The following TTC28 variants were observed in gnomAD, a reference collection of about 807,000 sequenced individuals.
TTC28 encodes tetratricopeptide repeat protein 28.
Under a neutral mutation model 198.0 loss-of-function variants are expected in TTC28, and 61 were observed. That is an observed-to-expected ratio of 0.31 (90% CI 0.25 to 0.38). TTC28 has a LOEUF of 0.38. TTC28 is among the 10% of genes least tolerant of loss of function. TTC28 has a pLI of 1.00. For synonymous variants in TTC28, 1,171 were observed against 1,297.8 expected, an observed-to-expected ratio of 0.90 and a Z score of 2.10; for missense variants, 2,678 against 3,164.0, an observed-to-expected ratio of 0.85 and a Z score of 3.69.
intron 13 of TTC28, among the ~76,000 whole-genome samples, chr22:28,021,359 G>T (rs736531): frequency 1.3e-5 from 2 of 152,146 alleles, no homozygotes; most frequent in African/African-American, 4.8e-5. Context: ...AGCCACTACC[G>T]TGGGGCCAGC....
chr22:28,468,020 C>T (rs2048047525), intron 2 of TTC28, among the ~76,000 whole-genome samples: 1 of 152,124 alleles, frequency 6.6e-6, no homozygotes, highest in Non-Finnish European at 1.5e-5. Flanking sequence ...ATCTGCCTGC[C>T]TCAGTCTCCC....
intron 2 of TTC28, among the ~76,000 whole-genome samples, chr22:28,507,869 G>A (rs1032754781): frequency 2.0e-5 from 3 of 152,144 alleles, no homozygotes; most frequent in African/African-American, 4.8e-5. Context: ...GAGGGAATTC[G>A]TCACCACCAG....
intron 6 of TTC28, among the ~76,000 whole-genome samples, chr22:28,109,098 A>G (rs1569144435): frequency 6.6e-6 from 1 of 152,262 alleles, no homozygotes; most frequent in Non-Finnish European, 1.5e-5. Flanking sequence ...GAGGGAAAGT[A>G]TCCTAAGAAA....
intron 2 of TTC28, among the ~76,000 whole-genome samples, chr22:28,482,336 C>A (rs935197757): frequency 5.3e-5 from 8 of 149,744 alleles, no homozygotes; most frequent in African/African-American, 2.0e-4. Flanking sequence ...CTCAGCCTCC[C>A]GAGTAGCTGG....
chr22:28,506,784 G>A (rs59262169), intron 2 of TTC28, among the ~76,000 whole-genome samples: 15,369 of 152,240 alleles, frequency 0.1, 884 homozygotes, highest in African/African-American at 0.13. Context: ...GGCAACTAGG[G>A]TCTGGAGCAG....
intron 2 of TTC28, among the ~76,000 whole-genome samples, chr22:28,586,165 G>C (rs1332248547): frequency 6.6e-6 from 1 of 151,570 alleles, no homozygotes. Context: ...TGTAGTCCCA[G>C]CTACTCGGGA....
intron 2 of TTC28, among the ~76,000 whole-genome samples, chr22:28,528,776 A>T (rs1243300508): frequency 1.3e-5 from 2 of 151,704 alleles, no homozygotes; most frequent in Non-Finnish European, 2.9e-5. Flanking sequence ...AAGAATGAAA[A>T]CTGAGACAGA....
intron 2 of TTC28, among the ~76,000 whole-genome samples, chr22:28,418,860 G>T (rs2047204636): frequency 6.6e-6 from 1 of 152,276 alleles, no homozygotes; most frequent in South Asian, 2.1e-4. Context: ...TTGGAAGTGG[G>T]AAAATCAGAA....
intron 5 of TTC28, among the ~76,000 whole-genome samples, chr22:28,249,500 C>G (rs1260823450): frequency 2.0e-5 from 3 of 152,182 alleles, no homozygotes; most frequent in African/African-American, 7.2e-5. Context: ...TGAGGACATT[C>G]TCCTTTGCCA....
At chr22:28,211,161 C>A (rs888750147) in intron 5 of TTC28, among the ~76,000 whole-genome samples, 1 of 152,088 alleles carries the variant, frequency 6.6e-6, no homozygotes, top group South Asian at 2.1e-4. Flanking sequence ...ACAACCGGTA[C>A]CAACCACTGC....
chr22:28,096,877 T>A (rs1328695830), intron 10 of TTC28, among the ~76,000 whole-genome samples: 1 of 152,004 alleles, frequency 6.6e-6, no homozygotes, highest in Non-Finnish European at 1.5e-5. Flanking sequence ...TGATCTCAGT[T>A]CACTGCAATC....
chr22:28,480,375 A>T (rs2048229012), intron 2 of TTC28, among the ~76,000 whole-genome samples: 1 of 152,202 alleles, frequency 6.6e-6, no homozygotes, highest in African/African-American at 2.4e-5. Flanking sequence ...CCTCATCACC[A>T]ACTTCTTGGC....
At chr22:28,121,971 G>A (rs1313764096) in intron 6 of TTC28, among the ~76,000 whole-genome samples, 5 of 152,128 alleles carry the variant, frequency 3.3e-5, no homozygotes, top group African/African-American at 9.7e-5. Flanking sequence ...AGGTTCAAGC[G>A]ATTCTCCTGC....
At chr22:28,382,724 A>G (rs1321087808) in intron 2 of TTC28, among the ~76,000 whole-genome samples, 2 of 152,240 alleles carry the variant, frequency 1.3e-5, no homozygotes, top group African/African-American at 4.8e-5. Flanking sequence ...TAGCTATAGT[A>G]GTATAAAATA....
chr22:28,428,915 C>T (rs1368256079), intron 2 of TTC28, among the ~76,000 whole-genome samples: 1 of 152,146 alleles, frequency 6.6e-6, no homozygotes, highest in Admixed American at 6.6e-5. Context: ...GCTGGGATTA[C>T]AGGCATGAGC....
At chr22:28,642,767 C>G (rs73881113) in intron 1 of TTC28, among the ~76,000 whole-genome samples, 4,411 of 152,130 alleles carry the variant, frequency 0.029, 207 homozygotes, top group African/African-American at 0.1. Context: ...GTAACTGGGG[C>G]CCAGTGTGTT....
intron 2 of TTC28, among the ~76,000 whole-genome samples, chr22:28,405,004 G>C (rs1247072760): frequency 6.6e-6 from 1 of 152,156 alleles, no homozygotes; most frequent in Non-Finnish European, 1.5e-5. Context: ...TGAGACAAGA[G>C]ATTTTATTGA....
chr22:28,539,057 T>G lies in TTC28; in HGVS notation c.381+90495A>C, dbSNP rs549305578. 3.9e-5 allele frequency among the ~76,000 whole-genome samples: 6 copies of G among 152,302 alleles called. 1 individual carries two copies. In the South Asian group the frequency reaches 1.2e-3, roughly 32 times the overall value. On this transcript the variant is annotated intron_variant, in intron 2 of 22. Transcript: ENST00000397906. ...GTGAAAGGAAGGTCAACTTGCCAGATAGACTGCCTGTTGACAGGCCCAGAC... is the reference window on the plus strand; with the variant it reads ...GTGAAAGGAAGGTCAACTTGCCAGAGAGACTGCCTGTTGACAGGCCCAGAC...
chr22:28,174,632 G>A (rs1324834105), intron 5 of TTC28, among the ~76,000 whole-genome samples: 3 of 152,158 alleles, frequency 2.0e-5, no homozygotes, highest in African/African-American at 7.2e-5. Flanking sequence ...AAGACTGTTT[G>A]AGCCCAGGAG....
Sources: allele counts gnomAD v4.1 joint callset (sites outside exome capture counted in the v4.1 genomes callset), GRCh38; gene constraint gnomAD v4.1.1; transcripts MANE v1.5; gene names NCBI Gene and HGNC (gene_info 2026-07-23, HGNC 2026-07-21).